ARL15: variants seen among roughly 807,000 people sequenced by gnomAD.
The protein encoded by ARL15 is ARF like GTPase 15.
Under a neutral mutation model 25.2 loss-of-function variants are expected in ARL15, and 19 were observed. The ratio of observed to expected loss-of-function variants is 0.75; its 90% CI spans 0.53 to 1.10. ARL15 has a LOEUF of 1.10. Among genes scored for constraint, ARL15 ranks in the 50% least tolerant of loss-of-function variants. The pLI is 0.00. For missense variants in ARL15, 220 were observed against 246.0 expected, an observed-to-expected ratio of 0.89 and a Z score of 0.71; for synonymous variants, 94 against 86.8, an observed-to-expected ratio of 1.08 and a Z score of -0.46.
At chr5:54,026,485 G>T (rs996119331) in intron 4 of ARL15, among the ~76,000 whole-genome samples, 5 of 152,148 alleles carry the variant, frequency 3.3e-5, no homozygotes, top group Non-Finnish European at 7.3e-5. Context: ...GGCCAGGCTG[G>T]TCTTGAATTC....
chr5:54,252,531 C>T (rs1189722542), intron 1 of ARL15, among the ~76,000 whole-genome samples: 1 of 152,094 alleles, frequency 6.6e-6, no homozygotes, highest in Admixed American at 6.6e-5. Context: ...ATTTCTCTCA[C>T]CAGTTTAACC....
At position 53,977,978 on chromosome 5, in the gene ARL15, T is replaced by C. The variant is rs1046011326; in HGVS notation, c.463-91265A>G. On this transcript the variant is annotated intron_variant, in intron 4 of 4. Transcript: ENST00000504924. The stretch of plus-strand genomic sequence containing the variant: ...AAGGTCTGAGGCTTTTCGCCTATAA[T>C]AGGAGGAAAGACTCATTAGCACAAA... 4.6e-5 allele frequency among the ~76,000 whole-genome samples: 7 copies of C among 152,128 alleles called. No individual in the cohort carries two copies. The East Asian group carries it at 1.2e-3, about 25-fold the overall frequency.
chr5:53,913,345 C>T (rs537725219), intron 4 of ARL15, among the ~76,000 whole-genome samples: 1 of 152,310 alleles, frequency 6.6e-6, no homozygotes, highest in Non-Finnish European at 1.5e-5. Flanking sequence ...TCAATACTCA[C>T]AGATCCTATC....
chr5:54,108,505 T>C (rs1048869296), intron 4 of ARL15, among the ~76,000 whole-genome samples: 1 of 152,106 alleles, frequency 6.6e-6, no homozygotes, highest in African/African-American at 2.4e-5. Context: ...TACAAACACA[T>C]TTCTCTACAC....
intron 4 of ARL15, among the ~76,000 whole-genome samples, chr5:53,928,040 C>T (rs1350162855): frequency 1.3e-5 from 2 of 152,138 alleles, no homozygotes; most frequent in African/African-American, 2.4e-5. Context: ...AGGTAGGAGG[C>T]ACTGCATAAA....
At chr5:54,195,003 A>G (rs1755510198) in intron 1 of ARL15, among the ~76,000 whole-genome samples, 1 of 152,140 alleles carries the variant, frequency 6.6e-6, no homozygotes, top group South Asian at 2.1e-4. Flanking sequence ...TCACAAGGAG[A>G]TATCTCGAGA....
intron 1 of ARL15, among the ~76,000 whole-genome samples, chr5:54,198,344 G>A (rs1385047527): frequency 1.3e-5 from 2 of 152,186 alleles, no homozygotes; most frequent in Non-Finnish European, 2.9e-5. Flanking sequence ...TAGGAAAAGA[G>A]GAAGTCAAAT....
Position 53,886,633 on chromosome 5 carries a change from A to G in ARL15, c.543T>C (p.Asp181=). Residue 181 remains aspartate, a synonymous_variant, in exon 5 of 5, where the codon GAT becomes GAC. Coordinates refer to ENST00000504924, the MANE Select transcript of ARL15 (RefSeq NM_019087.3). ...GCTGAGAGAAGCTGTCTTTCAGTGC[A>G]TCCATGTCATCCAGTGAGCAGGGCT... The part of the protein sequence containing the change: ...ILQPCSLDDM[D]ALKDSFSQLI... 6.4e-7 allele frequency: 1 copy of G among 1,571,610 alleles called. No individual in the cohort carries two copies. The highest frequency in any genetic ancestry group is 1.2e-5 in the South Asian group (1 of 85,340).
intron 4 of ARL15, among the ~76,000 whole-genome samples, chr5:53,974,044 A>G (rs1369095142): frequency 6.6e-6 from 1 of 152,168 alleles, no homozygotes; most frequent in Non-Finnish European, 1.5e-5. Flanking sequence ...TGGGAAACTG[A>G]TTCCACATAA....
intron 4 of ARL15, among the ~76,000 whole-genome samples, chr5:54,045,642 C>T (rs984424063): frequency 6.6e-6 from 1 of 150,570 alleles, no homozygotes; most frequent in Admixed American, 6.6e-5. Flanking sequence ...TCATTTTTGG[C>T]TGTCTAATCT....
At chr5:54,141,267 G>T (rs1333314948) in intron 3 of ARL15, among the ~76,000 whole-genome samples, 3 of 152,056 alleles carry the variant, frequency 2.0e-5, no homozygotes. Context: ...CTTTATCTTA[G>T]AGTTTGAAGT....
At chr5:53,959,759 C>T (rs566093034) in intron 4 of ARL15, among the ~76,000 whole-genome samples, 3 of 152,254 alleles carry the variant, frequency 2.0e-5, no homozygotes, top group East Asian at 3.9e-4. Flanking sequence ...GATCATCCAA[C>T]GTTGCATTCC....
chr5:53,893,149 G>C (rs1375434229), intron 4 of ARL15, among the ~76,000 whole-genome samples: 7 of 151,972 alleles, frequency 4.6e-5, no homozygotes, highest in African/African-American at 1.7e-4. Context: ...GATATGGTGG[G>C]GCCCGCTGAC....
In ARL15 at chr5:54,140,352, T is replaced by C. The variant is rs576746038; in HGVS notation, c.253+14228A>G. ...ATGGTAATCCCACTACCAGCTCTGGTTGTACCACCAACTATGATTTTGAAA... is the reference window on the plus strand; with the variant it reads ...ATGGTAATCCCACTACCAGCTCTGGCTGTACCACCAACTATGATTTTGAAA... On this transcript the variant is annotated intron_variant, in intron 3 of 4. Coordinates refer to ENST00000504924, the MANE Select transcript of ARL15 (RefSeq NM_019087.3). 2.0e-5 allele frequency among the ~76,000 whole-genome samples: 3 copies of C among 152,136 alleles called. No individual in the cohort carries two copies. In the South Asian group the frequency reaches 6.2e-4, roughly 32 times the overall value.
At chr5:54,007,219 C>A (rs1252271844) in intron 4 of ARL15, among the ~76,000 whole-genome samples, 1 of 152,068 alleles carries the variant, frequency 6.6e-6, no homozygotes, top group East Asian at 1.9e-4. Context: ...CTTTCTAAAG[C>A]ATAATTCTCC....
At chr5:54,088,326 G>A (rs1752036814) in intron 4 of ARL15, among the ~76,000 whole-genome samples, 1 of 152,128 alleles carries the variant, frequency 6.6e-6, no homozygotes, top group Non-Finnish European at 1.5e-5. Flanking sequence ...TGGGCTATAC[G>A]TATGTGACTG....
At chr5:54,060,289 C>A (rs905589028) in intron 4 of ARL15, among the ~76,000 whole-genome samples, 2 of 152,068 alleles carry the variant, frequency 1.3e-5, no homozygotes, top group African/African-American at 4.8e-5. Context: ...ATTAGATGGG[C>A]ATGGTGGTGC....
At chr5:54,211,858 A>T (rs1756052514) in intron 1 of ARL15, among the ~76,000 whole-genome samples, 1 of 152,188 alleles carries the variant, frequency 6.6e-6, no homozygotes, top group African/African-American at 2.4e-5. Flanking sequence ...AGGAGTAGAT[A>T]AAGTCCAAAA....
chr5:54,106,343 G>A (rs1752589585), intron 4 of ARL15, among the ~76,000 whole-genome samples: 1 of 152,134 alleles, frequency 6.6e-6, no homozygotes, highest in Non-Finnish European at 1.5e-5. Context: ...AGAGAGTAAG[G>A]AAATCTGGAT....
Sources: gnomAD v4.1 joint callset for allele counts (sites outside exome capture counted in the v4.1 genomes callset) on GRCh38, gnomAD v4.1.1 for gene constraint, MANE v1.5 for transcripts, NCBI Gene and HGNC (gene_info 2026-07-23, HGNC 2026-07-21) for gene names.